Variants in SLC6A11 observed in about 807,000 individuals in gnomAD.
SLC6A11 encodes solute carrier family 6 member 11, also known as sodium- and chloride-dependent GABA transporter 3.
SLC6A11 carries 25 observed loss-of-function variants against 74.8 expected under a neutral mutation model. That is an observed-to-expected ratio of 0.33 (90% CI 0.24 to 0.47). SLC6A11 has a LOEUF of 0.47. SLC6A11 is among the 20% of genes least tolerant of loss of function. The pLI is 1.00. For missense variants in SLC6A11, 574 were observed against 837.0 expected (o/e 0.69, Z 3.88); for synonymous variants, 330 against 330.2 (o/e 1.00, Z 0.01).
chr3:10,937,376 G>A (rs973647549), intron 13 of SLC6A11, among the ~76,000 whole-genome samples: 7 of 152,190 alleles, frequency 4.6e-5, no homozygotes, highest in Non-Finnish European at 7.3e-5. Flanking sequence ...CCTATTAATC[G>A]CACAGGTGAG....
intron 7 of SLC6A11, among the ~76,000 whole-genome samples, chr3:10,917,590 C>T (rs563163539): frequency 2.1e-4 from 32 of 152,294 alleles, no homozygotes; most frequent in African/African-American, 5.8e-4. Flanking sequence ...GGCCGGGACT[C>T]GAGGGTACCG....
At chr3:10,900,915 C>T (rs919324434) in intron 6 of SLC6A11, among the ~76,000 whole-genome samples, 1 of 152,142 alleles carries the variant, frequency 6.6e-6, no homozygotes, top group Non-Finnish European at 1.5e-5. Context: ...GGACTGCTGG[C>T]CCAGGGTCAT....
chr3:10,861,288 G>A (rs1365013986), intron 5 of SLC6A11, among the ~76,000 whole-genome samples: 2 of 152,224 alleles, frequency 1.3e-5, no homozygotes, highest in African/African-American at 4.8e-5. Context: ...GGCCAAGGTG[G>A]GAGGCTTGCT....
At chr3:10,931,907 G>T (rs1484991188) in intron 10 of SLC6A11, among the ~76,000 whole-genome samples, 2 of 152,162 alleles carry the variant, frequency 1.3e-5, no homozygotes, top group African/African-American at 4.8e-5. Flanking sequence ...GGGCACTCTG[G>T]GAGCACAGAG....
chr3:10,911,978 A>T, intron 6 of SLC6A11, 112 bp from the exon 7 acceptor site: 1 of 756,934 alleles, frequency 1.3e-6, no homozygotes, highest in South Asian at 1.5e-5. Flanking sequence ...ATTATCCCTT[A>T]TGGAGTTTTT....
chr3:10,847,028 G>T (rs577277185), intron 5 of SLC6A11, among the ~76,000 whole-genome samples: 3 of 152,310 alleles, frequency 2.0e-5, no homozygotes, highest in Admixed American at 2.0e-4. Flanking sequence ...CAGTAGTAAT[G>T]GTTAATATTT....
At chr3:10,838,220 C>G (rs926996465) in intron 4 of SLC6A11, among the ~76,000 whole-genome samples, 1 of 152,230 alleles carries the variant, frequency 6.6e-6, no homozygotes, top group African/African-American at 2.4e-5. Flanking sequence ...GCTCTCTGGG[C>G]AAACCAGCCC....
intron 5 of SLC6A11, among the ~76,000 whole-genome samples, chr3:10,853,413 C>G (rs776656335): frequency 3.0e-4 from 45 of 152,188 alleles, no homozygotes; most frequent in Non-Finnish European, 2.2e-4. Context: ...CCAGTGCAGT[C>G]GGGATTGATG....
chr3:10,875,016 G>T lies in SLC6A11; in HGVS notation c.812G>T (p.Arg271Leu), dbSNP rs1293467197. 6.2e-7 allele frequency: 1 copy of T among 1,613,554 alleles called. No individual in the cohort carries two copies. Among genetic ancestry groups the T allele is most frequent in the Non-Finnish European group, 8.5e-7 (1 of 1,179,736 alleles). Reference protein sequence around the residue: ...PYIMLLILLIRGVTLPGASEG... With the variant: ...PYIMLLILLILGVTLPGASEG... ...ATCATGCTGCTGATCCTCCTGATAC[G>T]AGGGGTCACGTTGCCCGGGGCCTCA... Residue 271 changes from arginine (R) to leucine (L), a missense_variant, in exon 6 of 14, where the codon CGA becomes CTA. Transcript: ENST00000254488.
chr3:10,876,737 G>GCCCC (rs71055841), intron 6 of SLC6A11, among the ~76,000 whole-genome samples: 1 of 24,176 alleles, frequency 4.1e-5, no homozygotes, highest in African/African-American at 1.3e-4. Flanking sequence ...TAAACGCCCC[G>GCCCC]CCCCCCCCCC....
chr3:10,875,157 C>T (rs966578198), intron 6 of SLC6A11, 62 bp downstream of exon 6: 62 of 1,422,350 alleles, frequency 4.4e-5, no homozygotes, highest in Non-Finnish European at 5.4e-5. Flanking sequence ...TTCTGCAGAG[C>T]CCCTGCCACT....
chr3:10,936,577 G>A (rs1325113705), intron 13 of SLC6A11, among the ~76,000 whole-genome samples: 1 of 152,186 alleles, frequency 6.6e-6, no homozygotes, highest in Non-Finnish European at 1.5e-5. Context: ...CATCCAGCCA[G>A]AAGGGGCCAG....
intron 5 of SLC6A11, among the ~76,000 whole-genome samples, chr3:10,865,274 G>A (rs2106597273): frequency 6.6e-6 from 1 of 152,314 alleles, no homozygotes; most frequent in Admixed American, 6.5e-5. Flanking sequence ...AGGTCTCATG[G>A]ACCGCCAAGC....
chr3:10,850,708 G>A (rs890516825), intron 5 of SLC6A11, among the ~76,000 whole-genome samples: 2 of 152,170 alleles, frequency 1.3e-5, no homozygotes, highest in Non-Finnish European at 2.9e-5. Context: ...GAAGGGAAGC[G>A]GCGGGGGTCA....
chr3:10,826,814 C>T (rs1694216097), intron 4 of SLC6A11, among the ~76,000 whole-genome samples: 1 of 152,218 alleles, frequency 6.6e-6, no homozygotes, highest in African/African-American at 2.4e-5. Flanking sequence ...TCCAGGATCC[C>T]TTTGCAATAT....
chr3:10,881,797 A>G (rs999741435), intron 6 of SLC6A11, among the ~76,000 whole-genome samples: 2 of 152,188 alleles, frequency 1.3e-5, no homozygotes, highest in Admixed American at 1.3e-4. Flanking sequence ...CAGAGCGATG[A>G]GGAGCCCCAG....
chr3:10,922,941 A>G (rs1358281263), intron 8 of SLC6A11, among the ~76,000 whole-genome samples: 1 of 152,180 alleles, frequency 6.6e-6, no homozygotes, highest in Non-Finnish European at 1.5e-5. Context: ...AAGTGTGTAT[A>G]TTAGGATTGA....
At chr3:10,929,470 A>G in intron 10 of SLC6A11, 131 bp downstream of exon 10, 1 of 951,972 alleles carries the variant, frequency 1.1e-6, no homozygotes, top group Non-Finnish European at 1.6e-6. Flanking sequence ...GCTTCCTCCT[A>G]GCGGGTCATG....
At chr3:10,846,204 T>C (rs1694500578) in intron 5 of SLC6A11, among the ~76,000 whole-genome samples, 1 of 152,228 alleles carries the variant, frequency 6.6e-6, no homozygotes, top group Admixed American at 6.5e-5. Flanking sequence ...TGTTTCTGAG[T>C]ATTTACTATA....
Sources: gnomAD v4.1 joint callset for allele counts (sites outside exome capture counted in the v4.1 genomes callset) on GRCh38, gnomAD v4.1.1 for gene constraint, MANE v1.5 for transcripts, NCBI Gene and HGNC (gene_info 2026-07-23, HGNC 2026-07-21) for gene names.